DNAH3: variants seen among roughly 807,000 people sequenced by gnomAD.
The protein encoded by DNAH3 is axonemal beta dynein heavy chain 3.
DNAH3 carries 332 observed loss-of-function variants against 432.5 expected under a neutral mutation model. That is an observed-to-expected ratio of 0.77 (90% confidence interval 0.70 to 0.84). DNAH3 has a LOEUF of 0.84. Ranked by LOEUF, DNAH3 falls within the 40% of genes least tolerant of loss-of-function variation. The pLI is 0.00. For missense variants in DNAH3, 4,861 were observed against 5,114.0 expected, an observed-to-expected ratio of 0.95 and a Z score of 1.51; for synonymous variants, 1,956 against 1,900.2, an observed-to-expected ratio of 1.03 and a Z score of -0.76.
intron 57 of DNAH3, 37 bp downstream of exon 57, chr16:20,948,446 T>TG (rs1301341365): frequency 1.2e-6 from 2 of 1,601,490 alleles, no homozygotes; most frequent in Non-Finnish European, 1.7e-6. Context: ...CGGAGCCCTG[T>TG]GGGGGAAAGA....
intron 11 of DNAH3, among the ~76,000 whole-genome samples, chr16:21,118,425 ACTT>A (rs1284919487): frequency 6.6e-6 from 1 of 151,402 alleles, no homozygotes; most frequent in African/African-American, 2.4e-5. Context: ...ATACTCTCTA[ACTT>A]CTTTTTATTT....
chr16:21,085,147 G>C (rs757309411), intron 19 of DNAH3, among the ~76,000 whole-genome samples: 2 of 151,964 alleles, frequency 1.3e-5, no homozygotes, highest in Non-Finnish European at 2.9e-5. Context: ...AGGAGGCCAA[G>C]GCAGGAGGAT....
chr16:21,087,722 A>T (rs1402743016), intron 18 of DNAH3, among the ~76,000 whole-genome samples: 1 of 151,928 alleles, frequency 6.6e-6, no homozygotes, highest in Non-Finnish European at 1.5e-5. Flanking sequence ...ACATGGTTAA[A>T]CCTCATTTCC....
At position 20,965,407 on chromosome 16, in the gene DNAH3, T is replaced by TA. The variant is rs2085012160; in HGVS notation, c.8476dup (p.Tyr2826LeufsTer19). On this transcript the variant is annotated frameshift_variant, in exon 53 of 62. Transcript: ENST00000261383. LOFTEE classifies it high-confidence loss of function. ...AAGAATCTTTTTGGATACCCCCCAG[T>TA]AATCTTCTATCATCTTACCTATTTG... 2 of 1,524,802 alleles carry TA rather than the reference T, an allele frequency of 1.3e-6. No homozygotes were observed. The highest frequency in any genetic ancestry group is 4.5e-5 in the East Asian group (2 of 44,054). 94.5% of individuals were successfully genotyped at this position (1,524,802 alleles called of 1,614,324 possible).
chr16:21,049,651 T>A, exon 31 of DNAH3: 1 of 1,614,148 alleles, frequency 6.2e-7, no homozygotes, highest in Non-Finnish European at 8.5e-7. Flanking sequence ...AGCTTTGTAA[T>A]CCAAACCATC....
intron 44 of DNAH3, 126 bp from the exon 45 acceptor site, chr16:20,988,191 T>C (rs2086305869): frequency 2.6e-6 from 3 of 1,168,334 alleles, no homozygotes; most frequent in Non-Finnish European, 3.6e-6. Context: ...TGCTGTGCAA[T>C]ATGGCAACCT....
chr16:21,048,283 C>T (rs1248615276), intron 31 of DNAH3, among the ~76,000 whole-genome samples: 1 of 152,208 alleles, frequency 6.6e-6, no homozygotes, highest in African/African-American at 2.4e-5. Flanking sequence ...GCCAGGCTGC[C>T]GTCTTGCAGT....
At chr16:21,084,297 T>C (rs538159935) in intron 19 of DNAH3, among the ~76,000 whole-genome samples, 1 of 151,790 alleles carries the variant, frequency 6.6e-6, no homozygotes, top group South Asian at 2.1e-4. Flanking sequence ...ATTATTATTA[T>C]GGTTAGAATT....
At chr16:21,098,438 C>CAAAAAA (rs57032212) in intron 17 of DNAH3, among the ~76,000 whole-genome samples, 178 bp downstream of exon 17, 15 of 62,674 alleles carry the variant, frequency 2.4e-4, no homozygotes, top group Non-Finnish European at 2.5e-4. Flanking sequence ...GACCTTGTCT[C>CAAAAAA]AAAAAAAAAA....
chr16:21,035,354 T>C (rs1286076422), intron 35 of DNAH3, among the ~76,000 whole-genome samples: 1 of 151,986 alleles, frequency 6.6e-6, no homozygotes, highest in South Asian at 2.1e-4. Flanking sequence ...GAGGAAAACA[T>C]TAAAGATTCA....
intron 41 of DNAH3, among the ~76,000 whole-genome samples, chr16:21,014,911 T>C (rs530464742): frequency 6.8e-6 from 1 of 147,734 alleles, no homozygotes; most frequent in East Asian, 2.0e-4. Flanking sequence ...AGGAAAACTA[T>C]AAAACTCTAG....
intron 20 of DNAH3, among the ~76,000 whole-genome samples, chr16:21,081,218 C>T (rs771959448): frequency 1.1e-4 from 17 of 151,976 alleles, no homozygotes; most frequent in African/African-American, 3.1e-4. Context: ...TGTGCCCAGG[C>T]GAGAAGAGAC....
In DNAH3 at chr16:21,099,386, A is replaced by C. The variant is rs1410144954; in HGVS notation, c.2367-617T>G. On this transcript the variant is annotated intron_variant, in intron 16 of 61. Coordinates refer to ENST00000261383, the Ensembl canonical transcript of DNAH3. ...TAGTAATAAATGCTCTGAAGAAAAT[A>C]AAATAGGGCAGAATGACTAGCAGAC... Among the ~76,000 whole-genome samples, 3 of 152,222 alleles carry C rather than the reference A, an allele frequency of 2.0e-5. No homozygotes were observed. The East Asian group carries it at 5.8e-4, about 29-fold the overall frequency.
intron 18 of DNAH3, 21 bp downstream of exon 18, chr16:21,097,334 C>G: frequency 6.2e-7 from 1 of 1,612,914 alleles, no homozygotes; most frequent in Non-Finnish European, 8.5e-7. Flanking sequence ...TCTGTCCCAG[C>G]AGAGTGAGAT....
At position 21,018,298 on chromosome 16, in the gene DNAH3, T is replaced by A. The variant is rs967706537; in HGVS notation, c.6022+1326A>T. Among the ~76,000 whole-genome samples the A allele has an allele frequency of 4.6e-5, 7 of 152,340 alleles. No homozygotes were observed. In the Middle Eastern group the frequency reaches 0.017, roughly 370 times the overall value. On this transcript the variant is annotated intron_variant, in intron 41 of 61. Coordinates refer to ENST00000261383, the Ensembl canonical transcript of DNAH3. ...AAAGTAAAGCTATTTGGGAAGTACT[T>A]GTAGTATGATCCTCTTTTTGTTCTA...
rs1309612738 is a variant in DNAH3 at position 21,027,734 on chromosome 16, A to C, written c.5440-607T>G. 1.3e-5 allele frequency among the ~76,000 whole-genome samples: 2 copies of C among 152,208 alleles called. 1 individual carries two copies. Among genetic ancestry groups the C allele is most frequent in the East Asian group, 3.8e-4 (2 of 5,198 alleles). ...ACATGCCTGACCTCAGTCAGGGTTGAGTGAGCTGCAATTTTAATAGGAAAG... is the reference window on the plus strand; with the variant it reads ...ACATGCCTGACCTCAGTCAGGGTTGCGTGAGCTGCAATTTTAATAGGAAAG... On this transcript the variant is annotated intron_variant, in intron 37 of 61. Coordinates refer to ENST00000261383, the Ensembl canonical transcript of DNAH3.
At chr16:21,034,021 G>C in exon 36 of DNAH3, 2 of 1,613,822 alleles carry the variant, frequency 1.2e-6, no homozygotes, top group Non-Finnish European at 1.7e-6. Flanking sequence ...ATAAGCAGAG[G>C]TCTTGCCGCC....
chr16:20,964,209 A>C (rs755073087), exon 53 of DNAH3: 1 of 1,614,070 alleles, frequency 6.2e-7, no homozygotes, highest in Non-Finnish European at 8.5e-7. Flanking sequence ...CACTTTCCAC[A>C]ATCAACTGGT....
chr16:21,101,234 A>C (rs1345856809), intron 16 of DNAH3, among the ~76,000 whole-genome samples: 1 of 152,196 alleles, frequency 6.6e-6, no homozygotes, highest in Non-Finnish European at 1.5e-5. Context: ...CATGTAACTT[A>C]TTGTATACCG....
Sources: gnomAD v4.1 joint callset for allele counts (sites outside exome capture counted in the v4.1 genomes callset) on GRCh38, gnomAD v4.1.1 for gene constraint, MANE v1.5 for transcripts, NCBI Gene and HGNC (gene_info 2026-07-23, HGNC 2026-07-21) for gene names.